Variants in GLB1 observed in about 807,000 individuals in gnomAD.
The protein encoded by GLB1 is beta-galactosidase.
A neutral mutation model predicts 74.0 loss-of-function variants in GLB1; 56 were observed. That is an observed-to-expected ratio of 0.76 (90% CI 0.61 to 0.94). The LOEUF (loss-of-function observed/expected upper bound fraction) is 0.94. GLB1 is among the 40% of genes least tolerant of loss of function. The probability of loss-of-function intolerance (pLI) is 0.00; values close to 1 mark genes in which losing one functional copy is unlikely to be tolerated. For missense variants in GLB1, 787 were observed against 845.5 expected, an observed-to-expected ratio of 0.93 and a Z score of 0.86; for synonymous variants, 323 against 323.6, an observed-to-expected ratio of 1.00 and a Z score of 0.02.
chr3:33,053,251 G>T (rs1418079364), intron 7 of GLB1, among the ~76,000 whole-genome samples: 1 of 152,164 alleles, frequency 6.6e-6, no homozygotes, highest in Non-Finnish European at 1.5e-5. Context: ...CACAGAACCT[G>T]ATGTGTAACA....
chr3:33,014,792 C>T (rs569272008), intron 14 of GLB1, among the ~76,000 whole-genome samples: 2 of 152,266 alleles, frequency 1.3e-5, no homozygotes, highest in South Asian at 4.1e-4. Flanking sequence ...CATGATGAAA[C>T]CCCATCTTTA....
intron 10 of GLB1, among the ~76,000 whole-genome samples, chr3:33,035,328 A>G (rs968582625): frequency 1.2e-4 from 18 of 152,050 alleles, no homozygotes; most frequent in African/African-American, 3.9e-4. Flanking sequence ...ACTGCTCAGG[A>G]GGCTGAGGCA....
the GLB1 span, among the ~76,000 whole-genome samples, chr3:32,988,102 C>T: frequency 7.0e-6 from 1 of 143,454 alleles, no homozygotes; most frequent in East Asian, 2.1e-4. Flanking sequence ...AGGAGAATTG[C>T]TTGAACCCAG....
At chr3:33,059,959 G>A (rs951079487) in intron 5 of GLB1, among the ~76,000 whole-genome samples, 5 of 152,168 alleles carry the variant, frequency 3.3e-5, no homozygotes, top group African/African-American at 1.2e-4. Flanking sequence ...GAGATTGTTA[G>A]GGAAGGTTCC....
chr3:33,018,528 G>A lies in GLB1; in HGVS notation c.1267C>T (p.Pro423Ser), dbSNP rs1379694088. Residue 423 changes from proline to serine, a missense_variant, in exon 13 of 16, where the codon CCT becomes TCT. Physicochemically the swap from Pro to Ser is moderately conservative, Grantham distance 74 (BLOSUM62 -1). Transcript: ENST00000307363. The stretch of plus-strand genomic sequence containing the variant: ...GGTGCTGGGTTGCTGCAATCTTGAG[G>A]AAGTGTTGTCCGGTACAGCACAAAC... ...YGFVLYRTTL[P>S]QDCSNPAPLS... is the part of the protein sequence containing the mutation. 4 of 1,614,064 alleles carry A rather than the reference G, an allele frequency of 2.5e-6. No individual in the cohort carries two copies. In the Admixed American group the frequency reaches 6.7e-5, roughly 27 times the overall value.
At chr3:32,985,807 G>A in the GLB1 span, among the ~76,000 whole-genome samples, 1 of 152,100 alleles carries the variant, frequency 6.6e-6, no homozygotes, top group Non-Finnish European at 1.5e-5. Context: ...CCGGCTTCAA[G>A]CGATTGTCAT....
chr3:33,044,515 G>A (rs111432028), intron 10 of GLB1, among the ~76,000 whole-genome samples: 3 of 152,200 alleles, frequency 2.0e-5, no homozygotes, highest in African/African-American at 7.2e-5. Context: ...GGAACAGAAA[G>A]CTTCAAAACA....
At chr3:32,969,884 G>T in the GLB1 span, among the ~76,000 whole-genome samples, 4 of 152,156 alleles carry the variant, frequency 2.6e-5, no homozygotes, top group African/African-American at 9.7e-5. Context: ...CCACCACAAG[G>T]GCCTACTTGG....
intron 1 of GLB1, among the ~76,000 whole-genome samples, chr3:33,082,095 G>T (rs1483183549): frequency 1.3e-5 from 2 of 152,266 alleles, no homozygotes; most frequent in African/African-American, 4.8e-5. Context: ...AAGAAAAGGG[G>T]CACCCCAAGG....
chr3:32,980,491 C>A, the GLB1 span, among the ~76,000 whole-genome samples: 1 of 152,212 alleles, frequency 6.6e-6, no homozygotes, highest in Non-Finnish European at 1.5e-5. Context: ...TTTCTATATT[C>A]CTCAGCTCAA....
chr3:33,055,565 A>G (rs1056871175), intron 6 of GLB1, among the ~76,000 whole-genome samples: 1 of 149,798 alleles, frequency 6.7e-6, no homozygotes, highest in Non-Finnish European at 1.5e-5. Flanking sequence ...GGTTCAAGCA[A>G]TTCTCCTGCC....
chr3:33,063,038 A>G lies in GLB1; in HGVS notation c.552+2425T>C, dbSNP rs186750275. On this transcript the variant is annotated intron_variant, in intron 5 of 15. Coordinates refer to ENST00000307363, the MANE Select transcript of GLB1 (RefSeq NM_000404.4). Reference sequence around the variant, plus strand: ...AAAGGAGGCGACAGTGACGGTTCTGAAAGTCCTACGGAAGCCAATATGTCA... The same window carrying G: ...AAAGGAGGCGACAGTGACGGTTCTGGAAGTCCTACGGAAGCCAATATGTCA... Among the ~76,000 whole-genome samples, 12 of 152,324 alleles carry G rather than the reference A, an allele frequency of 7.9e-5. No individual in the cohort carries two copies. The East Asian group carries it at 1.9e-3, about 24-fold the overall frequency.
the GLB1 span, among the ~76,000 whole-genome samples, chr3:32,981,412 AAAAAGAAAAAG>A: frequency 2.0e-5 from 3 of 146,514 alleles, no homozygotes; most frequent in South Asian, 2.1e-4. Context: ...AAAAAAAAAA[AAAAAGAAAAAG>A]AAAAAGAAAA....
chr3:33,093,024 T>G lies in GLB1; in HGVS notation c.75+3987A>C. The G allele has an allele frequency of 6.2e-7, 1 of 1,614,222 alleles. No homozygotes were observed. Among genetic ancestry groups the G allele is most frequent in the African/African-American group, 1.3e-5 (1 of 75,056 alleles). ...GGGGAAGATCTGCCCAGCATGTGTGTGCCCAGAAAGGATCAGGTTAATATC... is the reference window on the plus strand; with the variant it reads ...GGGGAAGATCTGCCCAGCATGTGTGGGCCCAGAAAGGATCAGGTTAATATC... On this transcript the variant is annotated intron_variant, in intron 1 of 15. Coordinates refer to ENST00000307363, the MANE Select transcript of GLB1 (RefSeq NM_000404.4). This position sits in a 1 kb window ranked among gnomAD's most constrained non-coding sequence, Gnocchi z 6.0.
intron 10 of GLB1, among the ~76,000 whole-genome samples, chr3:33,038,656 T>C (rs1698384458): frequency 1.3e-5 from 2 of 151,918 alleles, no homozygotes; most frequent in African/African-American, 4.8e-5. Flanking sequence ...CTTCTGGGAG[T>C]CTTCTAGGGC....
the GLB1 span, among the ~76,000 whole-genome samples, chr3:32,980,131 A>C: frequency 0.11 from 16,394 of 152,254 alleles, 1,126 homozygotes; most frequent in African/African-American, 0.2. Context: ...ACTATAGTCA[A>C]CCTACTGTGC....
chr3:33,077,057 C>T, intron 1 of GLB1: 1 of 1,313,730 alleles, frequency 7.6e-7, no homozygotes, highest in Non-Finnish European at 9.9e-7. Flanking sequence ...GACCCTGTCT[C>T]TATAAAAAAA....
At chr3:32,978,336 A>T in the GLB1 span, among the ~76,000 whole-genome samples, 10 of 152,234 alleles carry the variant, frequency 6.6e-5, no homozygotes, top group Non-Finnish European at 1.5e-4. Flanking sequence ...AGAGTTGCGA[A>T]GAACAATCCA....
At chr3:33,052,084 A>G in intron 7 of GLB1, 80 bp from the exon 8 acceptor site, 2 of 1,600,114 alleles carry the variant, frequency 1.2e-6, no homozygotes, top group Non-Finnish European at 1.7e-6. Flanking sequence ...TGCCCCATCT[A>G]TGACAGGTGT....
Sources: allele counts gnomAD v4.1 joint callset (sites outside exome capture counted in the v4.1 genomes callset), GRCh38; gene constraint gnomAD v4.1.1; non-coding constraint Gnocchi (gnomAD v3.1); transcripts MANE v1.5; gene names NCBI Gene and HGNC (gene_info 2026-07-23, HGNC 2026-07-21).